The following UBE2E2 variants were observed in gnomAD, a reference collection of about 807,000 sequenced individuals.
The protein encoded by UBE2E2 is ubiquitin-conjugating enzyme E2 E2.
A neutral mutation model predicts 24.7 loss-of-function variants in UBE2E2; 6 were observed. That is an observed-to-expected ratio of 0.24 (90% CI 0.13 to 0.48). The LOEUF is 0.48. Among genes scored for constraint, UBE2E2 ranks in the 20% least tolerant of loss-of-function variants. UBE2E2 has a pLI of 0.99. For missense variants in UBE2E2, 169 were observed against 245.0 expected (o/e 0.69, Z 2.07); for synonymous variants, 104 against 83.6 (o/e 1.24, Z -1.33).
intron 3 of UBE2E2, among the ~76,000 whole-genome samples, chr3:23,217,596 A>T (rs1696512381): frequency 6.6e-6 from 1 of 152,050 alleles, no homozygotes; most frequent in Admixed American, 6.6e-5. Flanking sequence ...ATGACATTTT[A>T]GTGGAAGAGG....
intron 5 of UBE2E2, among the ~76,000 whole-genome samples, chr3:23,541,620 G>A (rs1575695196): frequency 6.6e-6 from 1 of 152,210 alleles, no homozygotes; most frequent in African/African-American, 2.4e-5. Context: ...CTGCTTAAGA[G>A]TATCCTACAG....
At chr3:23,338,339 G>A (rs1695272844) in intron 3 of UBE2E2, among the ~76,000 whole-genome samples, 1 of 152,132 alleles carries the variant, frequency 6.6e-6, no homozygotes, top group Admixed American at 6.6e-5. Flanking sequence ...GAAAAAAAGA[G>A]CTAGAAATAA....
At chr3:23,419,666 T>C (rs1489963776) in intron 3 of UBE2E2, among the ~76,000 whole-genome samples, 7 of 152,208 alleles carry the variant, frequency 4.6e-5, no homozygotes, top group Non-Finnish European at 7.3e-5. Flanking sequence ...GATTGTGAGC[T>C]CCCTGAGAGC....
At chr3:23,535,350 C>T (rs1431016008) in intron 5 of UBE2E2, among the ~76,000 whole-genome samples, 1 of 152,198 alleles carries the variant, frequency 6.6e-6, no homozygotes, top group African/African-American at 2.4e-5. Flanking sequence ...AACACCTACT[C>T]AGTTGAATTT....
intron 3 of UBE2E2, among the ~76,000 whole-genome samples, chr3:23,488,177 A>G (rs1699417694): frequency 6.6e-6 from 1 of 151,550 alleles, no homozygotes; most frequent in Non-Finnish European, 1.5e-5. Context: ...TCTTGATAAT[A>G]ACTCTTTATA....
At chr3:23,231,747 T>C (rs890434938) in intron 3 of UBE2E2, among the ~76,000 whole-genome samples, 1 of 152,174 alleles carries the variant, frequency 6.6e-6, no homozygotes, top group Admixed American at 6.5e-5. Context: ...AAACCCCATC[T>C]TTGGGTTTGT....
chr3:23,296,617 G>A (rs1223240159), intron 3 of UBE2E2, among the ~76,000 whole-genome samples: 1 of 152,136 alleles, frequency 6.6e-6, no homozygotes, highest in Non-Finnish European at 1.5e-5. Flanking sequence ...CTTCATCCAT[G>A]TCCCTGCAAA....
Position 23,444,452 on chromosome 3 carries a change from C to A in UBE2E2, c.228-55156C>A, listed in dbSNP as rs138766070. 5.6e-4 allele frequency among the ~76,000 whole-genome samples: 85 copies of A among 152,280 alleles called. 3 individuals are homozygous for A. The East Asian group carries it at 0.015, about 27-fold the overall frequency. ...ATGTCCACTGGTGGAAACAATCACC[C>A]CTTAACCCCATCTGGAAGTCAGAAC... On this transcript the variant is annotated intron_variant, in intron 3 of 5. Coordinates refer to ENST00000396703, the MANE Select transcript of UBE2E2 (RefSeq NM_152653.4).
chr3:23,336,347 G>A (rs929135421), intron 3 of UBE2E2, among the ~76,000 whole-genome samples: 3 of 152,138 alleles, frequency 2.0e-5, no homozygotes, highest in Non-Finnish European at 2.9e-5. Context: ...AAAATATACT[G>A]TATCTGCAAG....
At chr3:23,212,059 G>T (rs1397458465) in intron 2 of UBE2E2, among the ~76,000 whole-genome samples, 1 of 152,148 alleles carries the variant, frequency 6.6e-6, no homozygotes, top group African/African-American at 2.4e-5. Context: ...TATATGAAAT[G>T]TACTATAATT....
intron 3 of UBE2E2, among the ~76,000 whole-genome samples, chr3:23,479,783 G>T (rs1379768462): frequency 1.3e-5 from 2 of 152,226 alleles, no homozygotes; most frequent in African/African-American, 4.8e-5. Flanking sequence ...GAGACCTGTA[G>T]TGGCTAGCTC....
chr3:23,236,332 T>A (rs1697111452), intron 3 of UBE2E2, among the ~76,000 whole-genome samples: 1 of 152,110 alleles, frequency 6.6e-6, no homozygotes, highest in African/African-American at 2.4e-5. Flanking sequence ...CTTCAGTAAT[T>A]TTGCAAGATT....
At chr3:23,562,848 T>C (rs1381061032) in intron 5 of UBE2E2, among the ~76,000 whole-genome samples, 1 of 152,244 alleles carries the variant, frequency 6.6e-6, no homozygotes, top group African/African-American at 2.4e-5. Context: ...TTTTCTAGTT[T>C]ATTTGCATAG....
At chr3:23,263,622 T>A (rs925616024) in intron 3 of UBE2E2, among the ~76,000 whole-genome samples, 1 of 152,176 alleles carries the variant, frequency 6.6e-6, no homozygotes, top group African/African-American at 2.4e-5. Flanking sequence ...CTACAATGAT[T>A]TGATGTTTAA....
At chr3:23,464,015 T>C (rs1183626607) in intron 3 of UBE2E2, among the ~76,000 whole-genome samples, 1 of 152,198 alleles carries the variant, frequency 6.6e-6, no homozygotes, top group Non-Finnish European at 1.5e-5. Flanking sequence ...TGCATATCCC[T>C]GTTGTGGCTG....
chr3:23,314,976 T>A (rs1694530516), intron 3 of UBE2E2, among the ~76,000 whole-genome samples: 1 of 152,228 alleles, frequency 6.6e-6, no homozygotes, highest in Admixed American at 6.5e-5. Flanking sequence ...TGTACTTGAA[T>A]ATCGACAGTC....
intron 3 of UBE2E2, among the ~76,000 whole-genome samples, chr3:23,441,789 T>C (rs2125408651): frequency 6.6e-6 from 1 of 152,284 alleles, no homozygotes; most frequent in South Asian, 2.1e-4. Context: ...TTAGGTGATA[T>C]TATGAGCTAA....
intron 3 of UBE2E2, among the ~76,000 whole-genome samples, chr3:23,302,663 G>A (rs1699130630): frequency 6.6e-6 from 1 of 152,194 alleles, no homozygotes; most frequent in Non-Finnish European, 1.5e-5. Context: ...TTTGTGATTT[G>A]CCCTTGATCA....
intron 3 of UBE2E2, among the ~76,000 whole-genome samples, chr3:23,238,439 T>A (rs1252699850): frequency 6.6e-6 from 1 of 152,190 alleles, no homozygotes; most frequent in Non-Finnish European, 1.5e-5. Flanking sequence ...TGTTACATTG[T>A]TCGGGAGAGG....
Sources: allele counts gnomAD v4.1 joint callset (sites outside exome capture counted in the v4.1 genomes callset), GRCh38; gene constraint gnomAD v4.1.1; transcripts MANE v1.5; gene names NCBI Gene and HGNC (gene_info 2026-07-23, HGNC 2026-07-21).